Variants in ITPKB observed in about 807,000 individuals in gnomAD.
The protein encoded by ITPKB is IP3 3-kinase B.
ITPKB carries 13 observed loss-of-function variants against 69.4 expected under a neutral mutation model. The observed-to-expected ratio is 0.19, with a 90% confidence interval of 0.12 to 0.30. The LOEUF is 0.30. ITPKB is among the 10% of genes least tolerant of loss of function. The pLI, the probability that ITPKB is intolerant of heterozygous loss-of-function variation, is 1.00. For synonymous variants in ITPKB, 584 were observed against 513.7 expected, an observed-to-expected ratio of 1.14 and a Z score of -1.85; for missense variants, 1,240 against 1,250.5, an observed-to-expected ratio of 0.99 and a Z score of 0.13.
chr1:226,723,746 G>A (rs1657317540), intron 2 of ITPKB, among the ~76,000 whole-genome samples: 1 of 152,142 alleles, frequency 6.6e-6, no homozygotes, highest in Non-Finnish European at 1.5e-5. Flanking sequence ...ACCTCAGCCA[G>A]TTTCCACCTA....
chr1:226,732,310 C>T (rs1320364434), intron 2 of ITPKB, among the ~76,000 whole-genome samples: 1 of 152,156 alleles, frequency 6.6e-6, no homozygotes, highest in African/African-American at 2.4e-5. Context: ...ACAATCTCGC[C>T]TCATTGCAAC....
rs181903007 is a variant in ITPKB at position 226,634,529 on chromosome 1, T to C, written c.*142A>G. On this transcript the variant is annotated 3_prime_UTR_variant, in exon 8 of 8. Transcript: ENST00000429204. This position sits in a 1 kb window ranked among gnomAD's most constrained non-coding sequence, Gnocchi z 6.3. ...AAGTTAGGAAAATGACTAGAAACTCTCATCTCCTCTTCTACAAAGTGTCTT... is the reference window on the plus strand; with the variant it reads ...AAGTTAGGAAAATGACTAGAAACTCCCATCTCCTCTTCTACAAAGTGTCTT... The C allele has an allele frequency of 1.5e-3, 928 of 601,920 alleles. 10 individuals are homozygous for C. Among genetic ancestry groups the C allele is most frequent in the African/African-American group, 0.014 (752 of 53,936 alleles). The allele number at this position is 601,920 out of a possible 1,614,324, so 37.3% of individuals were successfully genotyped here.
Position 226,634,588 on chromosome 1 carries a change from G to A in ITPKB, c.*83C>T. On this transcript the variant is annotated 3_prime_UTR_variant, in exon 8 of 8. Coordinates refer to ENST00000429204, the MANE Select transcript of ITPKB (RefSeq NM_002221.4). This position sits in a 1 kb window ranked among gnomAD's most constrained non-coding sequence, Gnocchi z 6.3. ...GTTCAGGAGGGTCAGTCAGGTGTAA[G>A]TGAAGGAAAAGTTAGGAACGAGAAA... The A allele has an allele frequency of 1.5e-6, 1 of 682,418 alleles. No homozygotes were observed. The highest frequency in any genetic ancestry group is 1.6e-5 in the South Asian group (1 of 60,748). 42.3% of individuals were successfully genotyped at this position (682,418 alleles called of 1,614,324 possible).
intron 2 of ITPKB, among the ~76,000 whole-genome samples, chr1:226,735,306 T>G (rs576599846): frequency 1.9e-4 from 29 of 152,318 alleles, no homozygotes; most frequent in Non-Finnish European, 3.4e-4. Context: ...ATGGAAATAG[T>G]AGAAAGACTC....
At chr1:226,699,911 G>A (rs2102786802) in intron 2 of ITPKB, among the ~76,000 whole-genome samples, 1 of 152,306 alleles carries the variant, frequency 6.6e-6, no homozygotes. Context: ...TGAGAAGCAA[G>A]GAGAGCTGGT....
intron 4 of ITPKB, among the ~76,000 whole-genome samples, chr1:226,643,299 TG>T (rs71574581): frequency 6.6e-6 from 1 of 152,152 alleles, no homozygotes; most frequent in Non-Finnish European, 1.5e-5. Flanking sequence ...AGAGCAGAGG[TG>T]GGGTGAGTCA....
Position 226,736,449 on chromosome 1 carries a change from T to C in ITPKB, c.1010A>G (p.Gln337Arg), listed in dbSNP as rs1006057056. The C allele has an allele frequency of 6.2e-7, 1 of 1,613,596 alleles. No individual in the cohort carries two copies. The highest frequency in any genetic ancestry group is 1.6e-4 in the Middle Eastern group (1 of 6,062). ...SGRARELEDL[Q>R]PPEALVERQG... ...CCTCTCCACCAGGGCCTCTGGGGGC[T>C]GCAGGTCCTCAAGCTCACGGGCTCT... The change falls in exon 2 of 8, where the codon CAG becomes CGG. Residue 337 changes from glutamine to arginine, a missense_variant. This residue lies in a region of ITPKB where 992 missense variants were observed against 853.8 expected (regional missense o/e 1.16). Transcript: ENST00000429204.
intron 2 of ITPKB, among the ~76,000 whole-genome samples, chr1:226,663,362 A>T (rs1247220829): frequency 6.6e-6 from 1 of 152,156 alleles, no homozygotes; most frequent in East Asian, 1.9e-4. Flanking sequence ...CAATCGGGGC[A>T]GACCTTGGGG....
intron 2 of ITPKB, among the ~76,000 whole-genome samples, chr1:226,673,862 C>A (rs1040826422): frequency 1.3e-5 from 2 of 152,220 alleles, no homozygotes; most frequent in Non-Finnish European, 2.9e-5. Context: ...ACTCCTGCTA[C>A]AGAAAGATTT....
Position 226,735,749 on chromosome 1 carries a change from G to T in ITPKB, c.1710C>A (p.Ile570=), listed in dbSNP as rs780892743. The T allele has an allele frequency of 6.9e-6, 11 of 1,593,982 alleles. No individual in the cohort carries two copies. The highest frequency in any genetic ancestry group is 1.7e-5 in the Admixed American group (1 of 58,876). Residue 570 remains isoleucine (I), a synonymous_variant, in exon 2 of 8, where the codon ATC becomes ATA. Coordinates refer to ENST00000429204, the MANE Select transcript of ITPKB (RefSeq NM_002221.4). ...CCTCCTGGGTGCCCATGTCTGTAAT[G>T]ATGACAGCAGGTATGTTGCTGGGGC... ...ACSPSNIPAV[I]ITDMGTQEDG...
chr1:226,689,572 TGTGTGTGTGTG>T (rs1656298739), intron 2 of ITPKB, among the ~76,000 whole-genome samples: 3 of 36,558 alleles, frequency 8.2e-5, no homozygotes, highest in Admixed American at 8.1e-4. Context: ...GTTTTATTTG[TGTGTGTGTGTG>T]TGTGTGTGTG....
chr1:226,713,121 T>C (rs1657013025), intron 2 of ITPKB, among the ~76,000 whole-genome samples: 1 of 151,866 alleles, frequency 6.6e-6, no homozygotes, highest in African/African-American at 2.4e-5. Context: ...TACACACACA[T>C]ACATACACAC....
chr1:226,710,329 T>C (rs961492585), intron 2 of ITPKB, among the ~76,000 whole-genome samples: 4 of 152,098 alleles, frequency 2.6e-5, no homozygotes, highest in African/African-American at 9.7e-5. Flanking sequence ...AGTAAGCAAG[T>C]AGGGGCCAGC....
chr1:226,657,334 T>C (rs954104341), intron 2 of ITPKB: 14 of 152,384 alleles, frequency 9.2e-5, no homozygotes, highest in African/African-American at 3.4e-4. Flanking sequence ...TTTCATTTTC[T>C]AGAGGGGGTT....
At chr1:226,683,094 C>G (rs1656125257) in intron 2 of ITPKB, among the ~76,000 whole-genome samples, 1 of 152,178 alleles carries the variant, frequency 6.6e-6, no homozygotes, top group Non-Finnish European at 1.5e-5. Flanking sequence ...AGAGGGGCAG[C>G]CAGCACTGCA....
intron 2 of ITPKB, among the ~76,000 whole-genome samples, chr1:226,716,633 A>G (rs1657103642): frequency 6.6e-6 from 1 of 152,200 alleles, no homozygotes; most frequent in Non-Finnish European, 1.5e-5. Flanking sequence ...CTGTTGAACA[A>G]CTGCAACCAG....
At chr1:226,713,218 C>T (rs1349051793) in intron 2 of ITPKB, among the ~76,000 whole-genome samples, 1 of 152,132 alleles carries the variant, frequency 6.6e-6, no homozygotes, top group African/African-American at 2.4e-5. Context: ...TGCCCCCGCC[C>T]CCGGTTCCCA....
At chr1:226,682,939 TG>T (rs1447178017) in intron 2 of ITPKB, among the ~76,000 whole-genome samples, 1 of 152,124 alleles carries the variant, frequency 6.6e-6, no homozygotes, top group Non-Finnish European at 1.5e-5. Context: ...CCTACCAAAG[TG>T]GGTAGCAATC....
intron 2 of ITPKB, among the ~76,000 whole-genome samples, chr1:226,666,365 A>G (rs1003144519): frequency 6.6e-6 from 1 of 152,172 alleles, no homozygotes; most frequent in Non-Finnish European, 1.5e-5. Context: ...CAGGAGCAAG[A>G]GGTCATCTTG....
Sources: allele counts gnomAD v4.1 joint callset (sites outside exome capture counted in the v4.1 genomes callset), GRCh38; gene constraint gnomAD v4.1.1; regional missense constraint gnomAD v4.1.1; non-coding constraint Gnocchi (gnomAD v3.1); transcripts MANE v1.5; gene names NCBI Gene and HGNC (gene_info 2026-07-23, HGNC 2026-07-21).